The following HDAC11 variants were observed in gnomAD, a reference collection of about 807,000 sequenced individuals.
The protein encoded by HDAC11 is histone deacetylase 11.
Under a neutral mutation model 41.1 loss-of-function variants are expected in HDAC11, and 23 were observed. That is an observed-to-expected ratio of 0.56 (90% CI 0.40 to 0.79). The LOEUF is 0.79. HDAC11 is among the 30% of genes least tolerant of loss of function. The pLI, the probability that HDAC11 is intolerant of heterozygous loss-of-function variation, is 0.00. For missense variants in HDAC11, 402 were observed against 477.3 expected, an observed-to-expected ratio of 0.84 and a Z score of 1.47; for synonymous variants, 187 against 186.6, an observed-to-expected ratio of 1.00 and a Z score of -0.02.
rs187691360 is a variant in HDAC11, at chr3:13,497,839, A to G, written c.370-674A>G. ...GGAAGATTTCAGTATTTAGTCTACT[A>G]TATTTCTTTTTTTGCTTTTTTTTTT... On this transcript the variant is annotated intron_variant, in intron 4 of 9. Transcript: ENST00000295757. Among the ~76,000 whole-genome samples, 14 of 140,904 alleles carry G rather than the reference A, an allele frequency of 9.9e-5. No individual in the cohort carries two copies. In the South Asian group the frequency reaches 2.7e-3, roughly 27 times the overall value. The allele number at this position is 140,904 out of a possible 152,430, so 92.4% of individuals were successfully genotyped here.
chr3:13,494,158 G>C (rs751362170), intron 3 of HDAC11, among the ~76,000 whole-genome samples: 1 of 152,224 alleles, frequency 6.6e-6, no homozygotes, highest in Non-Finnish European at 1.5e-5. Flanking sequence ...GAGCACACGA[G>C]AGAATGCCTT....
rs558140525 is a variant in HDAC11, at chr3:13,481,220, T to C, written c.3-26T>C. 15 of 1,605,944 alleles carry C rather than the reference T, an allele frequency of 9.3e-6. No individual in the cohort carries two copies. The East Asian group carries it at 3.3e-4, about 36-fold the overall frequency. On this transcript the variant is annotated intron_variant, in intron 1 of 9. Transcript: ENST00000295757. ...CTTTCTGCCGAGGCTGCCCCAGCTG[T>C]GCGTCTGTCTTTTTCCACACGGTAG...
intron 3 of HDAC11, among the ~76,000 whole-genome samples, chr3:13,487,938 C>A (rs977699797): frequency 1.3e-5 from 2 of 151,774 alleles, no homozygotes; most frequent in Non-Finnish European, 2.9e-5. Flanking sequence ...GAGAGGATGG[C>A]AGTTTTAAAT....
In HDAC11 at chr3:13,480,505, C is replaced by A; in HGVS notation, c.2+156C>A. ...GACGCTCGGGACGGGTGTTTCCAGGCCCTCCCGGCGCGCCAGGCCAGCCCC... is the reference window on the plus strand; with the variant it reads ...GACGCTCGGGACGGGTGTTTCCAGGACCTCCCGGCGCGCCAGGCCAGCCCC... On this transcript the variant is annotated intron_variant, in intron 1 of 9. Coordinates refer to ENST00000295757, the MANE Select transcript of HDAC11 (RefSeq NM_024827.4). This position sits in a 1 kb window ranked among gnomAD's most constrained non-coding sequence, Gnocchi z 4.6. 1 of 375,114 alleles carries A rather than the reference C, an allele frequency of 2.7e-6. No individual in the cohort carries two copies. The highest frequency in any genetic ancestry group is 4.4e-6 in the Non-Finnish European group (1 of 225,742). The allele number at this position is 375,114 out of a possible 1,614,324, so 23.2% of individuals were successfully genotyped here.
chr3:13,504,303 G>T (rs776412352), intron 9 of HDAC11, 31 bp downstream of exon 9: 3 of 1,610,060 alleles, frequency 1.9e-6, no homozygotes, highest in South Asian at 1.1e-5. Context: ...CCACGGGAGG[G>T]TCTGCTCTAT....
In HDAC11 at chr3:13,505,235, GTGGGAACCC is replaced by G. The variant is rs1702565820; in HGVS notation, c.*557_*565del. 1.2e-5 allele frequency: 2 copies of G among 162,548 alleles called. No individual in the cohort carries two copies. Among genetic ancestry groups the G allele is most frequent in the Admixed American group, 1.1e-4 (2 of 17,682 alleles). The allele number at this position is 162,548 out of a possible 1,614,324, so 10.1% of individuals were successfully genotyped here. On this transcript the variant is annotated 3_prime_UTR_variant, in exon 10 of 10. Transcript: ENST00000295757. ...GGTGGGCCTGGTTCCCAGGCAGCAG[GTGGGAACCC>G]TGGGCCTGGATGTGAGGGGCGGTCA...
At chr3:13,490,829 C>T (rs1264497848) in intron 3 of HDAC11, among the ~76,000 whole-genome samples, 1 of 136,320 alleles carries the variant, frequency 7.3e-6, no homozygotes, top group Non-Finnish European at 1.5e-5. Context: ...CGGCTCACTG[C>T]AACCTCCGCC....
intron 3 of HDAC11, 188 bp from the exon 4 acceptor site, chr3:13,496,548 A>C: frequency 1.8e-6 from 1 of 546,444 alleles, no homozygotes. Context: ...CTGAGCCCAG[A>C]GCTTGCCAGG....
intron 8 of HDAC11, chr3:13,503,195 T>G: frequency 2.8e-6 from 1 of 360,540 alleles, no homozygotes; most frequent in Non-Finnish European, 5.0e-6. Flanking sequence ...AAACATGCAT[T>G]TGTCTGGCAA....
Position 13,480,934 on chromosome 3 carries a change from A to G in HDAC11, c.3-312A>G. 2.2e-6 allele frequency: 1 copy of G among 462,724 alleles called. No individual in the cohort carries two copies. 28.7% of individuals were successfully genotyped at this position (462,724 alleles called of 1,614,324 possible). The stretch of plus-strand genomic sequence containing the variant: ...CAGAGGTGATGCGCGGAGGCCTTGC[A>G]GCCAGACACACCTGAGTGCACGCCT... On this transcript the variant is annotated intron_variant, in intron 1 of 9. Coordinates refer to ENST00000295757, the MANE Select transcript of HDAC11 (RefSeq NM_024827.4). The surrounding 1 kb of genome is among the most constrained non-coding windows in gnomAD (Gnocchi z 4.6).
intron 4 of HDAC11, 138 bp from the exon 5 acceptor site, chr3:13,498,375 C>T: frequency 9.3e-7 from 1 of 1,074,250 alleles, no homozygotes; most frequent in Non-Finnish European, 1.4e-6. Flanking sequence ...TCCTTCTATA[C>T]CCCTGCCTTG....
chr3:13,480,314 A>G lies in HDAC11; in HGVS notation c.-34A>G. ...CCCGCCCCGCCCCGCCCGGTCGCGG[A>G]GCTGCGGCCAGCTTTGGGAGGGCCG... On this transcript the variant is annotated 5_prime_UTR_variant, in exon 1 of 10. Coordinates refer to ENST00000295757, the MANE Select transcript of HDAC11 (RefSeq NM_024827.4). The surrounding 1 kb of genome is among the most constrained non-coding windows in gnomAD (Gnocchi z 4.6). The G allele has an allele frequency of 8.1e-7, 1 of 1,232,186 alleles. No individual in the cohort carries two copies. The allele number at this position is 1,232,186 out of a possible 1,614,324, so 76.3% of individuals were successfully genotyped here. A position where few individuals can be genotyped will look rare whatever the true frequency, so the allele number is the denominator to read the frequency against.
In HDAC11 at chr3:13,502,003, G is replaced by A; in HGVS notation, c.552+70G>A. The stretch of plus-strand genomic sequence containing the variant: ...CCAGTTCCAGAATCTTCCCGGGGCA[G>A]GAGAGTCTCCCTCCTCATGTCCCCA... On this transcript the variant is annotated intron_variant, in intron 7 of 9. Transcript: ENST00000295757. The surrounding 1 kb of genome is among the most constrained non-coding windows in gnomAD (Gnocchi z 4.1). The A allele has an allele frequency of 1.5e-6, 2 of 1,327,530 alleles. No homozygotes were observed. The allele number at this position is 1,327,530 out of a possible 1,614,324, so 82.2% of individuals were successfully genotyped here.
intron 3 of HDAC11, among the ~76,000 whole-genome samples, chr3:13,491,040 C>T (rs1337983103): frequency 2.7e-5 from 4 of 150,356 alleles, no homozygotes; most frequent in South Asian, 2.1e-4. Context: ...TGAGCCACTG[C>T]GCCTGGCCTG....
In HDAC11 at chr3:13,504,068, TGAGGCCATCCATGTCTCTCTCCCA is replaced by T; in HGVS notation, c.650-16_657del. 6.2e-7 allele frequency: 1 copy of T among 1,609,884 alleles called. No individual in the cohort carries two copies. The highest frequency in any genetic ancestry group is 2.2e-5 in the East Asian group (1 of 44,846). ...GCCTCAGTTTCCCTTCTCTATAAATTGAGGCCATCCATGTCTCTCTCCCAGAGGCCATCAGGCGGAAGGTGGAGC... is the reference window on the plus strand; with the variant it reads ...GCCTCAGTTTCCCTTCTCTATAAATTGAGGCCATCAGGCGGAAGGTGGAGC... On this transcript the variant is annotated splice_acceptor_variant and splice_polypyrimidine_tract_variant and intron_variant, in intron 8 of 9. Transcript: ENST00000295757. LOFTEE classifies it high-confidence loss of function.
At chr3:13,494,246 G>A (rs1002576421) in intron 3 of HDAC11, among the ~76,000 whole-genome samples, 4 of 152,064 alleles carry the variant, frequency 2.6e-5, no homozygotes, top group African/African-American at 9.7e-5. Flanking sequence ...TCCCAGGGAG[G>A]GAGGGAGGCT....
At chr3:13,501,969 C>G (rs367687725) in intron 7 of HDAC11, 36 bp downstream of exon 7, 1 of 1,571,118 alleles carries the variant, frequency 6.4e-7, no homozygotes, top group Non-Finnish European at 8.8e-7. Flanking sequence ...CTTAGGGGAC[C>G]TGCCACCCCC....
chr3:13,499,741 T>G (rs1213379560), intron 5 of HDAC11, among the ~76,000 whole-genome samples: 1 of 152,220 alleles, frequency 6.6e-6, no homozygotes, highest in African/African-American at 2.4e-5. Context: ...TATGGTACTC[T>G]GCTGCACAAA....
chr3:13,487,509 A>G (rs1701652333), intron 3 of HDAC11, among the ~76,000 whole-genome samples: 1 of 152,214 alleles, frequency 6.6e-6, no homozygotes, highest in African/African-American at 2.4e-5. Context: ...AGGGAAACCC[A>G]TGTTTATCAA....
Sources: allele counts gnomAD v4.1 joint callset (sites outside exome capture counted in the v4.1 genomes callset), GRCh38; gene constraint gnomAD v4.1.1; non-coding constraint Gnocchi (gnomAD v3.1); transcripts MANE v1.5; gene names NCBI Gene and HGNC (gene_info 2026-07-23, HGNC 2026-07-21).